UBE2W: variants seen among roughly 807,000 people sequenced by gnomAD.
The protein encoded by UBE2W is ubiquitin conjugating enzyme E2 W, also known as ubiquitin-conjugating enzyme E2 W.
UBE2W carries 18 observed loss-of-function variants against 27.2 expected under a neutral mutation model. The observed-to-expected ratio is 0.66, with a 90% CI of 0.46 to 0.98. UBE2W has a LOEUF of 0.98. UBE2W is among the 50% of genes least tolerant of loss of function. The pLI is 0.00. For synonymous variants in UBE2W, 53 were observed against 57.2 expected (o/e 0.93, Z 0.33); for missense variants, 90 against 180.2 (o/e 0.50, Z 2.87).
intron 1 of UBE2W, among the ~76,000 whole-genome samples, chr8:73,866,449 T>G (rs1318645170): frequency 6.6e-6 from 1 of 151,040 alleles, no homozygotes; most frequent in East Asian, 1.9e-4. Context: ...TCAAACCTGA[T>G]GGACTCTCAG....
intron 5 of UBE2W, among the ~76,000 whole-genome samples, chr8:73,803,603 TCGAA>T (rs1052590904): frequency 6.6e-6 from 1 of 152,134 alleles, no homozygotes; most frequent in Admixed American, 6.5e-5. Flanking sequence ...ATGAACTCCA[TCGAA>T]CCTACAGTTT....
At chr8:73,838,648 T>C (rs2130923087) in intron 1 of UBE2W, among the ~76,000 whole-genome samples, 1 of 152,302 alleles carries the variant, frequency 6.6e-6, no homozygotes, top group Non-Finnish European at 1.5e-5. Flanking sequence ...GAAGGATTAT[T>C]CCTGAAATTT....
chr8:73,863,700 G>T (rs1327887525), intron 1 of UBE2W, among the ~76,000 whole-genome samples: 2 of 152,092 alleles, frequency 1.3e-5, no homozygotes, highest in African/African-American at 4.8e-5. Flanking sequence ...GGAGGGTGCA[G>T]TGAGCCGAGA....
At chr8:73,864,511 C>G (rs1035552814) in intron 1 of UBE2W, among the ~76,000 whole-genome samples, 1 of 152,060 alleles carries the variant, frequency 6.6e-6, no homozygotes, top group African/African-American at 2.4e-5. Context: ...GGGTTAGATT[C>G]CTGCCAGCCT....
intron 1 of UBE2W, chr8:73,870,166 A>T: frequency 8.3e-7 from 1 of 1,205,472 alleles, no homozygotes; most frequent in Non-Finnish European, 1.2e-6. Flanking sequence ...TAGAAGAAAA[A>T]ATTGTGCATT....
At chr8:73,845,729 A>G (rs1227464258) in intron 1 of UBE2W, among the ~76,000 whole-genome samples, 1 of 152,172 alleles carries the variant, frequency 6.6e-6, no homozygotes, top group East Asian at 1.9e-4. Context: ...TTAAAAAAAA[A>G]AAGCTAATTC....
chr8:73,856,525 T>C (rs11779069), intron 1 of UBE2W, among the ~76,000 whole-genome samples: 148,813 of 151,780 alleles, frequency 0.98, 72,954 homozygotes, highest in African/African-American at 1. Flanking sequence ...CCACCAGGCC[T>C]GACTAATTTT....
Position 73,792,577 on chromosome 8 carries a change from C to G in UBE2W, c.*1525G>C. 1 of 985,706 alleles carries G rather than the reference C, an allele frequency of 1.0e-6. No individual in the cohort carries two copies. The highest frequency in any genetic ancestry group is 1.2e-6 in the Non-Finnish European group (1 of 829,820). The allele number at this position is 985,706 out of a possible 1,614,324, so 61.1% of individuals were successfully genotyped here. A position where few individuals can be genotyped will look rare whatever the true frequency, so the allele number is the denominator to read the frequency against. On this transcript the variant is annotated 3_prime_UTR_variant, in exon 6 of 6. Transcript: ENST00000602593. ...TATTTCAAACCTTTCAGCCAACTGG[C>G]TTTCAGTTTTAAGCCCAAATTGATT...
At position 73,794,187 on chromosome 8, in the gene UBE2W, T is replaced by C. The variant is rs1444018553; in HGVS notation, c.443-72A>G. 6.4e-5 allele frequency: 100 copies of C among 1,551,496 alleles called. 2 individuals are homozygous for C. In the South Asian group the frequency reaches 1.1e-3, roughly 18 times the overall value. On this transcript the variant is annotated intron_variant, in intron 5 of 5. Transcript: ENST00000602593. ...AAGTAAATTCTACAAGTCTGTTTAA[T>C]GTAGAAATAATTTCAATTAGCAAGA...
chr8:73,869,557 G>A (rs185429543), intron 1 of UBE2W, among the ~76,000 whole-genome samples: 16 of 152,308 alleles, frequency 1.1e-4, no homozygotes, highest in Admixed American at 9.2e-4. Context: ...TGGGTGTGGT[G>A]GCGCACGCCT....
At chr8:73,851,322 G>A (rs1018879916) in intron 1 of UBE2W, among the ~76,000 whole-genome samples, 4 of 151,974 alleles carry the variant, frequency 2.6e-5, no homozygotes, top group Non-Finnish European at 5.9e-5. Context: ...TTGAAGAGAC[G>A]GGTAAAGGCT....
chr8:73,801,059 C>A (rs542275764), intron 5 of UBE2W, among the ~76,000 whole-genome samples: 1 of 152,102 alleles, frequency 6.6e-6, no homozygotes, highest in African/African-American at 2.4e-5. Flanking sequence ...CACTGCACTC[C>A]AGCCTGGGCA....
chr8:73,849,512 CAAAAAAAAAAAA>C (rs71269951), intron 1 of UBE2W, among the ~76,000 whole-genome samples: 11 of 22,770 alleles, frequency 4.8e-4, no homozygotes, highest in South Asian at 4.5e-3. Context: ...AACTCCATCT[CAAAAAAAAAAAA>C]AAAAAAAAAA....
At chr8:73,811,289 T>C (rs759397937) in intron 3 of UBE2W, among the ~76,000 whole-genome samples, 3 of 152,192 alleles carry the variant, frequency 2.0e-5, no homozygotes, top group Non-Finnish European at 2.9e-5. Flanking sequence ...GTAACACTGT[T>C]TTTCCTTTCT....
At position 73,797,293 on chromosome 8, in the gene UBE2W, G is replaced by GA. The variant is rs1206044321; in HGVS notation, c.443-3179dup. 3.3e-5 allele frequency among the ~76,000 whole-genome samples: 5 copies of GA among 151,706 alleles called. No individual in the cohort carries two copies. The East Asian group carries it at 5.8e-4, about 18-fold the overall frequency. On this transcript the variant is annotated intron_variant, in intron 5 of 5. Coordinates refer to ENST00000602593, the MANE Select transcript of UBE2W (RefSeq NM_018299.6). ...GGATATCCCCAGGGACAGAAGACTAGAAAAAAAAGGAACACAGTAATACAG... is the reference window on the plus strand; with the variant it reads ...GGATATCCCCAGGGACAGAAGACTAGAAAAAAAAAGGAACACAGTAATACAG...
intron 3 of UBE2W, among the ~76,000 whole-genome samples, chr8:73,819,961 T>G (rs1218765920): frequency 1.3e-5 from 2 of 152,244 alleles, no homozygotes; most frequent in Admixed American, 1.3e-4. Flanking sequence ...GTTCATTGCA[T>G]AGAAAGATGA....
Position 73,793,940 on chromosome 8 carries a change from CA to C in UBE2W, c.*161del. ...TTGCCTGGACTGAACCAGCGATCAA[CA>C]TGCGCCCAGAATGCACACGAGTAAA... On this transcript the variant is annotated 3_prime_UTR_variant, in exon 6 of 6. Coordinates refer to ENST00000602593, the MANE Select transcript of UBE2W (RefSeq NM_018299.6). The C allele has an allele frequency of 6.9e-7, 1 of 1,453,372 alleles. No individual in the cohort carries two copies. Among genetic ancestry groups the C allele is most frequent in the Non-Finnish European group, 9.1e-7 (1 of 1,101,224 alleles). 90.0% of individuals were successfully genotyped at this position (1,453,372 alleles called of 1,614,324 possible). A position where few individuals can be genotyped will look rare whatever the true frequency, so the allele number is the denominator to read the frequency against.
At position 73,786,838 on chromosome 8, in the gene UBE2W, CTTGA is replaced by C. The variant is rs935997164; in HGVS notation, c.*7260_*7263del. 18 of 985,240 alleles carry C rather than the reference CTTGA, an allele frequency of 1.8e-5. No individual in the cohort carries two copies. The highest frequency in any genetic ancestry group is 5.2e-5 in the African/African-American group (3 of 57,208). 61.0% of individuals were successfully genotyped at this position (985,240 alleles called of 1,614,324 possible). A position where few individuals can be genotyped will look rare whatever the true frequency, so the allele number is the denominator to read the frequency against. On this transcript the variant is annotated 3_prime_UTR_variant, in exon 6 of 6. Transcript: ENST00000602593. ...AGGAGAGGACTACTGAGTATCATTG[CTTGA>C]TTAAGTTGGATGGGAATGTCATTAA...
rs1808191610 is a variant in UBE2W at position 73,791,434 on chromosome 8, A to T, written c.*2668T>A. 3 of 985,112 alleles carry T rather than the reference A, an allele frequency of 3.0e-6. No homozygotes were observed. Among genetic ancestry groups the T allele is most frequent in the African/African-American group, 3.5e-5 (2 of 57,218 alleles). 61.0% of individuals were successfully genotyped at this position (985,112 alleles called of 1,614,324 possible). A position where few individuals can be genotyped will look rare whatever the true frequency, so the allele number is the denominator to read the frequency against. ...GTGTACCTTATCTTCTAAGTATGAAAGTCTAATTCTGTAGGCCTATGTCGC... is the reference window on the plus strand; with the variant it reads ...GTGTACCTTATCTTCTAAGTATGAATGTCTAATTCTGTAGGCCTATGTCGC... On this transcript the variant is annotated 3_prime_UTR_variant, in exon 6 of 6. Coordinates refer to ENST00000602593, the MANE Select transcript of UBE2W (RefSeq NM_018299.6).
Sources: allele counts gnomAD v4.1 joint callset (sites outside exome capture counted in the v4.1 genomes callset), GRCh38; gene constraint gnomAD v4.1.1; transcripts MANE v1.5; gene names NCBI Gene and HGNC (gene_info 2026-07-23, HGNC 2026-07-21).